The following IPO4 variants were observed in gnomAD, a reference collection of about 807,000 sequenced individuals.
The protein encoded by IPO4 is importin 4.
In IPO4, 91 loss-of-function variants were observed where a neutral mutation model predicts 133.5. The ratio of observed to expected loss-of-function variants is 0.68; its 90% confidence interval spans 0.58 to 0.81. IPO4 has a LOEUF of 0.81. IPO4 is among the 30% of genes least tolerant of loss of function. The pLI is 0.00. For synonymous variants in IPO4, 607 were observed against 581.6 expected (o/e 1.04, Z -0.63); for missense variants, 1,279 against 1,386.2 (o/e 0.92, Z 1.23).
chr14:24,180,728 T>G lies in IPO4; in HGVS notation c.3076A>C (p.Ile1026Leu), dbSNP rs2039121485. Residue 1026 changes from isoleucine to leucine, a missense_variant, in exon 29 of 30, where the codon ATC becomes CTC. By Grantham distance (5) the Ile-to-Leu change is conservative. Around this residue, in one of 3 missense-constraint regions of IPO4, gnomAD observed 575 missense variants for 653.4 expected, o/e 0.88. Coordinates refer to ENST00000354464, the MANE Select transcript of IPO4 (RefSeq NM_024658.4). ...VIDVAPELLR[I>L]CSLILADNKI... ...TTGTCAGCCAGAATGAGGCTGCAGA[T>G]ACGCAGAAGCTCGGGAGCCACATCT... is the stretch of plus-strand genomic sequence containing the variant. 1 of 1,613,920 alleles carries G rather than the reference T, an allele frequency of 6.2e-7. No individual in the cohort carries two copies. Among genetic ancestry groups the G allele is most frequent in the East Asian group, 2.2e-5 (1 of 44,898 alleles).
rs757320913 is a variant in IPO4, at chr14:24,185,982, T to C, written c.1060-12A>G. 3.7e-6 allele frequency: 6 copies of C among 1,612,230 alleles called. No individual in the cohort carries two copies. Among genetic ancestry groups the C allele is most frequent in the Non-Finnish European group, 4.2e-6 (5 of 1,178,324 alleles). On this transcript the variant is annotated splice_polypyrimidine_tract_variant and intron_variant, in intron 11 of 29. Coordinates refer to ENST00000354464, the MANE Select transcript of IPO4 (RefSeq NM_024658.4). ...TCCAACATGGGCATCTAGGGAAGCATGTGGCACGCTTCTGAAACCCCAGCA... is the reference window on the plus strand; with the variant it reads ...TCCAACATGGGCATCTAGGGAAGCACGTGGCACGCTTCTGAAACCCCAGCA...
intron 24 of IPO4, 99 bp downstream of exon 24, chr14:24,182,693 C>A (rs1349245201): frequency 2.2e-6 from 3 of 1,343,600 alleles, no homozygotes; most frequent in Admixed American, 3.4e-5. Flanking sequence ...CTTTTAGTGG[C>A]CCTGGCTGCC....
intron 28 of IPO4, 72 bp downstream of exon 28, chr14:24,181,441 C>T (rs1037696977): frequency 4.6e-5 from 60 of 1,297,992 alleles, no homozygotes; most frequent in Admixed American, 6.0e-5. Flanking sequence ...TCCCGAGCCT[C>T]ATCAGCAGAC....
chr14:24,185,504 G>C lies in IPO4; in HGVS notation c.1233C>G (p.Arg411=). 2 of 1,614,232 alleles carry C rather than the reference G, an allele frequency of 1.2e-6. No individual in the cohort carries two copies. The highest frequency in any genetic ancestry group is 1.7e-6 in the Non-Finnish European group (2 of 1,180,044). Residue 411 remains arginine, a synonymous_variant, in exon 13 of 30, where the codon CGC becomes CGG. Coordinates refer to ENST00000354464, the MANE Select transcript of IPO4 (RefSeq NM_024658.4). ...KGLEDPSQVV[R]NAALFALGQF... ...GGCCCAGGGCAAACAGCGCAGCATT[G>C]CGTACAACTTGCGAGGGGTCCTCCA...
chr14:24,183,106 T>A lies in IPO4; in HGVS notation c.2291A>T (p.Glu764Val). ...CAGCACGGCCATCACCACCTGGCGTTCCCGCTCCCTGTTCACTGCCTGCAT... is the reference window on the plus strand; with the variant it reads ...CAGCACGGCCATCACCACCTGGCGTACCCGCTCCCTGTTCACTGCCTGCAT... ...SYMQAVNRER[E>V]RQVVMAVLEA... The change falls in exon 23 of 30, where the codon GAA (glutamate) becomes GTA (valine). Residue 764 changes from glutamate (E) to valine (V), a missense_variant. Coordinates refer to ENST00000354464, the MANE Select transcript of IPO4 (RefSeq NM_024658.4). 1.2e-6 allele frequency: 2 copies of A among 1,613,792 alleles called. No homozygotes were observed. Among genetic ancestry groups the A allele is most frequent in the Admixed American group, 3.3e-5 (2 of 60,018 alleles).
Position 24,183,844 on chromosome 14 carries a change from C to G in IPO4, c.1924G>C (p.Glu642Gln). 1 of 1,614,120 alleles carries G rather than the reference C, an allele frequency of 6.2e-7. No individual in the cohort carries two copies. Among genetic ancestry groups the G allele is most frequent in the Non-Finnish European group, 8.5e-7 (1 of 1,179,998 alleles). Residue 642 changes from glutamate to glutamine, a missense_variant, in exon 19 of 30, where the codon GAA (glutamate) becomes CAA (glutamine). Glu to Gln is a conservative substitution (Grantham distance 29). This residue lies in a region of IPO4 where 575 missense variants were observed against 653.4 expected (regional missense o/e 0.88). Transcript: ENST00000354464. ...FLLFDDESDG[E>Q]EEEELMDEDV... Reference sequence around the variant, plus strand: ...TCATCCATGAGCTCCTCCTCTTCTTCCCCATCACTCTCATCGTCAAACAGA... The same window carrying G: ...TCATCCATGAGCTCCTCCTCTTCTTGCCCATCACTCTCATCGTCAAACAGA...
intron 28 of IPO4, among the ~76,000 whole-genome samples, chr14:24,181,209 G>A (rs914277722): frequency 5.4e-4 from 82 of 152,186 alleles, no homozygotes; most frequent in African/African-American, 1.8e-3. Context: ...AAAGGGCCCC[G>A]GTTTAGGAAA....
chr14:24,188,488 G>T, intron 2 of IPO4, 64 bp downstream of exon 2: 1 of 1,606,662 alleles, frequency 6.2e-7, no homozygotes. Context: ...CGCAGTGGGC[G>T]AATACTGGGG....
At position 24,186,395 on chromosome 14, in the gene IPO4, C is replaced by T. The variant is rs761689794; in HGVS notation, c.897G>A (p.Val299=). The part of the protein sequence containing the change: ...PPLLHTLFPI[V]AAEPPPGQLD... The stretch of plus-strand genomic sequence containing the variant: ...ACTGGCCTGGTGGGGGCTCAGCAGC[C>T]ACAATGGGGAAAAGGGTGTGCAGCA... Residue 299 remains valine (V), a synonymous_variant, in exon 10 of 30, where the codon GTG becomes GTA. Coordinates refer to ENST00000354464, the MANE Select transcript of IPO4 (RefSeq NM_024658.4). 1 of 1,612,198 alleles carries T rather than the reference C, an allele frequency of 6.2e-7. No homozygotes were observed. Among genetic ancestry groups the T allele is most frequent in the Non-Finnish European group, 8.5e-7 (1 of 1,179,008 alleles).
At chr14:24,185,381 A>G in intron 13 of IPO4, 69 bp from the exon 14 acceptor site, 1 of 1,612,416 alleles carries the variant, frequency 6.2e-7, no homozygotes, top group Non-Finnish European at 8.5e-7. Flanking sequence ...TGCTGATGGC[A>G]GCAGGGATGC....
chr14:24,183,972 G>GGGGGCCCCC, intron 18 of IPO4, 26 bp downstream of exon 18: 1 of 1,573,294 alleles, frequency 6.4e-7, no homozygotes. Flanking sequence ...GGCAGGCCTG[G>GGGGGCCCCC]CCCAGCCCAC....
chr14:24,188,103 C>T, intron 4 of IPO4, 113 bp downstream of exon 4: 1 of 1,147,636 alleles, frequency 8.7e-7, no homozygotes, highest in Non-Finnish European at 1.3e-6. Flanking sequence ...CTCACTCCAC[C>T]TTGCGTCTAG....
At chr14:24,186,674 G>T in intron 9 of IPO4, 34 bp downstream of exon 9, 1 of 1,566,682 alleles carries the variant, frequency 6.4e-7, no homozygotes. Flanking sequence ...GGAGATGGGG[G>T]TGGGGTGATG....
chr14:24,184,869 A>G lies in IPO4; in HGVS notation c.1520T>C (p.Ile507Thr), dbSNP rs371010165. The change falls in exon 15 of 30, where the codon ATT (isoleucine) becomes ACT (threonine). Residue 507 changes from isoleucine (I) to threonine (T), a missense_variant and splice_region_variant. Ile to Thr is a moderately conservative substitution (Grantham distance 89, BLOSUM62 -1). This residue lies in a region of IPO4 where 695 missense variants were observed against 704.1 expected (regional missense o/e 0.99). Coordinates refer to ENST00000354464, the MANE Select transcript of IPO4 (RefSeq NM_024658.4). ...KELAVSALGA[I>T]ATAAQASLLP... ...CTGCCTCCTGCCTCTCTCCTCACCA[A>G]TGGCTCCCAGGGCGCTCACAGCCAG... 14 of 1,613,600 alleles carry G rather than the reference A, an allele frequency of 8.7e-6. No individual in the cohort carries two copies. The African/African-American group carries it at 1.1e-4, about 12-fold the overall frequency.
In IPO4 at chr14:24,183,602, G is replaced by A; in HGVS notation, c.2051C>T (p.Ser684Phe). ...GGCGAATGCTCACCTGGTGTTCACA[G>A]AGATCTCCCCCACGGCAGCACAGGT... ...EDTCAAVGEI[S>F]VNTSVAFLPY... The change falls in exon 20 of 30, where the codon TCT (serine) becomes TTT (phenylalanine). Residue 684 changes from serine to phenylalanine, a missense_variant. This residue lies in a region of IPO4 where 575 missense variants were observed against 653.4 expected (regional missense o/e 0.88). Transcript: ENST00000354464. 6.2e-7 allele frequency: 1 copy of A among 1,614,176 alleles called. No homozygotes were observed. The highest frequency in any genetic ancestry group is 8.5e-7 in the Non-Finnish European group (1 of 1,180,026).
At chr14:24,184,554 A>G (rs1442803061) in intron 16 of IPO4, 96 bp downstream of exon 16, 61 of 1,409,804 alleles carry the variant, frequency 4.3e-5, no homozygotes, top group Non-Finnish European at 5.8e-5. Context: ...ATGAGAAGGA[A>G]GACATCCGTG....
chr14:24,182,953 C>A, intron 23 of IPO4, 23 bp downstream of exon 23: 1 of 1,613,270 alleles, frequency 6.2e-7, no homozygotes, highest in Non-Finnish European at 8.5e-7. Flanking sequence ...CTCTCCTTCC[C>A]GAAGCCCACC....
rs1054800850 is a variant in IPO4 at position 24,182,394 on chromosome 14, C to T, written c.2482G>A (p.Asp828Asn). Residue 828 changes from aspartate (D) to asparagine (N), a missense_variant, in exon 25 of 30, where the codon GAC becomes AAC. Around this residue, in one of 3 missense-constraint regions of IPO4, gnomAD observed 575 missense variants for 653.4 expected, o/e 0.88. Coordinates refer to ENST00000354464, the MANE Select transcript of IPO4 (RefSeq NM_024658.4). ...CCAGCGTGCTCCAGCAACATGGCGT[C>T]GTATTCAGCCTGTGGAGCCAGGTCA... ...EEEDDDQAEY[D>N]AMLLEHAGEA... is the part of the protein sequence containing the mutation. The T allele has an allele frequency of 3.7e-6, 6 of 1,610,778 alleles. No homozygotes were observed. The highest frequency in any genetic ancestry group is 2.2e-5 in the South Asian group (2 of 90,630).
chr14:24,184,509 C>T (rs1469063192), intron 16 of IPO4, 91 bp from the exon 17 acceptor site: 2 of 1,498,502 alleles, frequency 1.3e-6, no homozygotes, highest in Non-Finnish European at 1.8e-6. Flanking sequence ...AAATCCCGCC[C>T]CACCCCTTGG....
Sources: allele counts gnomAD v4.1 joint callset (sites outside exome capture counted in the v4.1 genomes callset), GRCh38; gene constraint gnomAD v4.1.1; regional missense constraint gnomAD v4.1.1; transcripts MANE v1.5; gene names NCBI Gene and HGNC (gene_info 2026-07-23, HGNC 2026-07-21).